Variants in RAP1GAP2 observed in about 807,000 individuals in gnomAD.
The protein encoded by RAP1GAP2 is RAP1 GTPase activating protein 2, also known as rap1 GTPase-activating protein 2.
A neutral mutation model predicts 95.0 loss-of-function variants in RAP1GAP2; 27 were observed. The observed-to-expected ratio is 0.28, with a 90% CI of 0.21 to 0.39. RAP1GAP2 has a LOEUF of 0.39. Ranked by LOEUF, RAP1GAP2 falls within the 10% of genes least tolerant of loss-of-function variation. The pLI is 1.00. For missense variants in RAP1GAP2, 771 were observed against 970.0 expected, an observed-to-expected ratio of 0.79 and a Z score of 2.72; for synonymous variants, 373 against 380.9, an observed-to-expected ratio of 0.98 and a Z score of 0.24.
chr17:2,940,991 C>T (rs946946749), intron 3 of RAP1GAP2, among the ~76,000 whole-genome samples: 1 of 152,118 alleles, frequency 6.6e-6, no homozygotes, highest in Non-Finnish European at 1.5e-5. Flanking sequence ...GTGGGGGGAC[C>T]GGGGACCTTG....
chr17:2,892,205 TC>T (rs1284235447), intron 2 of RAP1GAP2, among the ~76,000 whole-genome samples: 1 of 152,182 alleles, frequency 6.6e-6, no homozygotes, highest in African/African-American at 2.4e-5. Context: ...GCCCAGGTGT[TC>T]TGAAATTTCC....
chr17:2,843,770 C>T (rs758238640), intron 2 of RAP1GAP2, among the ~76,000 whole-genome samples: 165 of 152,206 alleles, frequency 1.1e-3, no homozygotes, highest in African/African-American at 1.5e-3. Context: ...CATGGGGCCA[C>T]GTGAAGGTCA....
At chr17:2,924,881 C>CG (rs1022669182) in intron 3 of RAP1GAP2, among the ~76,000 whole-genome samples, 2 of 152,106 alleles carry the variant, frequency 1.3e-5, no homozygotes, top group East Asian at 1.9e-4. Context: ...CTCTTTCCTC[C>CG]GGGGGGCTAG....
intron 2 of RAP1GAP2, among the ~76,000 whole-genome samples, chr17:2,865,065 A>G (rs2072567923): frequency 6.6e-6 from 1 of 152,138 alleles, no homozygotes; most frequent in African/African-American, 2.4e-5. Flanking sequence ...GGCGTCTCCA[A>G]TGTCACCTAG....
chr17:2,794,861 GT>G (rs2069023817), upstream of RAP1GAP2, among the ~76,000 whole-genome samples: 1 of 138,378 alleles, frequency 7.2e-6, no homozygotes, highest in African/African-American at 2.7e-5. Flanking sequence ...AGCTAGGGCC[GT>G]TTTTTTCCTT....
At chr17:2,962,480 C>A in intron 4 of RAP1GAP2, 190 bp from the exon 5 acceptor site, 1 of 575,720 alleles carries the variant, frequency 1.7e-6, no homozygotes, top group Non-Finnish European at 3.0e-6. Context: ...GTTAGCCCAG[C>A]GGCGCTGTTG....
At chr17:2,766,086 G>A (rs1160296625) in intron 1 of RAP1GAP2, among the ~76,000 whole-genome samples, 2 of 152,196 alleles carry the variant, frequency 1.3e-5, no homozygotes, top group Non-Finnish European at 2.9e-5. Context: ...GAAAGAGGCC[G>A]GCGAGGACAG....
At position 3,004,780 on chromosome 17, in the gene RAP1GAP2, G is replaced by A. The variant is rs1415173099; in HGVS notation, c.1201-589G>A. ...CCGGGGGGCCCTACCCTTCCGATTC[G>A]GCAGGTTTAGGCCAGAGCCCATGAA... On this transcript the variant is annotated intron_variant, in intron 14 of 24. Coordinates refer to ENST00000254695, the MANE Select transcript of RAP1GAP2 (RefSeq NM_015085.5). The surrounding 1 kb of genome is among the most constrained non-coding windows in gnomAD (Gnocchi z 4.1). Among the ~76,000 whole-genome samples the A allele has an allele frequency of 3.3e-5, 5 of 152,234 alleles. No homozygotes were observed. Among genetic ancestry groups the A allele is most frequent in the Admixed American group, 1.3e-4 (2 of 15,290 alleles).
At chr17:2,786,835 C>T (rs561541579) in intron 1 of RAP1GAP2, among the ~76,000 whole-genome samples, 30 of 151,108 alleles carry the variant, frequency 2.0e-4, no homozygotes, top group South Asian at 1.0e-3. Flanking sequence ...TTAGTAGAGA[C>T]GGGGTTTCAC....
chr17:2,985,195 A>T, intron 11 of RAP1GAP2, 129 bp downstream of exon 11: 1 of 1,483,534 alleles, frequency 6.7e-7, no homozygotes, highest in Non-Finnish European at 9.0e-7. Flanking sequence ...GGTCACATTT[A>T]AGGTATGAAT....
At chr17:2,811,102 C>T (rs952021217) in intron 2 of RAP1GAP2, among the ~76,000 whole-genome samples, 2 of 152,164 alleles carry the variant, frequency 1.3e-5, no homozygotes, top group African/African-American at 4.8e-5. Flanking sequence ...CCTGCAGACA[C>T]TGGAAGGCTG....
chr17:3,023,744 C>T (rs111866755), intron 19 of RAP1GAP2, among the ~76,000 whole-genome samples: 28,740 of 152,000 alleles, frequency 0.19, 2,879 homozygotes, highest in Middle Eastern at 0.23. Flanking sequence ...CCCATCAACC[C>T]GTCATCTAGG....
chr17:2,777,858 C>T (rs1053133064), intron 1 of RAP1GAP2, among the ~76,000 whole-genome samples: 3 of 152,148 alleles, frequency 2.0e-5, no homozygotes, highest in African/African-American at 7.2e-5. Context: ...ATCCCTCAAG[C>T]CCTATACGCC....
At chr17:2,862,425 C>A (rs868850207) in intron 2 of RAP1GAP2, among the ~76,000 whole-genome samples, 1 of 152,068 alleles carries the variant, frequency 6.6e-6, no homozygotes, top group Non-Finnish European at 1.5e-5. Flanking sequence ...CAGGCCTGTT[C>A]GGTGAAATCA....
chr17:2,805,108 G>C (rs906530767), intron 2 of RAP1GAP2, among the ~76,000 whole-genome samples: 1 of 152,148 alleles, frequency 6.6e-6, no homozygotes, highest in African/African-American at 2.4e-5. Context: ...CACAAAACAG[G>C]TTTTCAGTCT....
chr17:2,870,906 G>GT lies in RAP1GAP2; in HGVS notation c.81-34378_81-34377insT, dbSNP rs1481218800. 7.2e-5 allele frequency among the ~76,000 whole-genome samples: 11 copies of GT among 152,276 alleles called. No individual in the cohort carries two copies. Among genetic ancestry groups the GT allele is most frequent in the African/African-American group, 2.6e-4 (11 of 41,564 alleles). ...TGGGCCATCTGTCTCCATGATGTTG[G>GT]ATCCATGGTTGTAGATCCTTGTGGG... On this transcript the variant is annotated intron_variant, in intron 2 of 24. Transcript: ENST00000254695. The surrounding 1 kb of genome is among the most constrained non-coding windows in gnomAD (Gnocchi z 4.4).
intron 2 of RAP1GAP2, among the ~76,000 whole-genome samples, chr17:2,835,636 G>A (rs2071096154): frequency 6.6e-6 from 1 of 152,210 alleles, no homozygotes; most frequent in Admixed American, 6.5e-5. Flanking sequence ...GAGGTGGGAG[G>A]ATCATTGGAG....
At chr17:2,834,316 G>GCTGAGCCAGCCAATTCCC (rs2071037676) in intron 2 of RAP1GAP2, among the ~76,000 whole-genome samples, 1 of 152,190 alleles carries the variant, frequency 6.6e-6, no homozygotes, top group South Asian at 2.1e-4. Context: ...TGCTGAAGGA[G>GCTGAGCCAGCCAATTCCC]CTGAGCCAGC....
chr17:3,032,825 C>T (rs779497695), intron 24 of RAP1GAP2, among the ~76,000 whole-genome samples: 7 of 152,160 alleles, frequency 4.6e-5, no homozygotes, highest in South Asian at 4.1e-4. Context: ...GTGTCTTTGG[C>T]GGAGGCCCTG....
Sources: allele counts gnomAD v4.1 joint callset (sites outside exome capture counted in the v4.1 genomes callset), GRCh38; gene constraint gnomAD v4.1.1; non-coding constraint Gnocchi (gnomAD v3.1); transcripts MANE v1.5; gene names NCBI Gene and HGNC (gene_info 2026-07-23, HGNC 2026-07-21).